Variants in PHF20L1 observed in about 807,000 individuals in gnomAD.
PHF20L1 encodes PHD finger protein 20 like 1.
A neutral mutation model predicts 125.5 loss-of-function variants in PHF20L1; 44 were observed. That is an observed-to-expected ratio of 0.35 (90% CI 0.28 to 0.45). The LOEUF (loss-of-function observed/expected upper bound fraction) is 0.45, where lower values mean the gene tolerates loss of function less well. Ranked by LOEUF, PHF20L1 falls within the 20% of genes least tolerant of loss-of-function variation. The pLI, the probability that PHF20L1 is intolerant of heterozygous loss-of-function variation, is 1.00. For missense variants in PHF20L1, 1,012 were observed against 1,217.2 expected, an observed-to-expected ratio of 0.83 and a Z score of 2.51; for synonymous variants, 380 against 403.1, an observed-to-expected ratio of 0.94 and a Z score of 0.69.
chr8:132,811,143 C>T lies in PHF20L1; in HGVS notation c.930+15C>T. ...TGCTGGAGCAGGTATGAAATGGTAG[C>T]ATTTGATTTTTTTCAAGGTTCCCAC... On this transcript the variant is annotated intron_variant, in intron 9 of 20. Transcript: ENST00000395386. 6.2e-7 allele frequency: 1 copy of T among 1,609,724 alleles called. No homozygotes were observed. Among genetic ancestry groups the T allele is most frequent in the Non-Finnish European group, 8.5e-7 (1 of 1,176,636 alleles).
intron 6 of PHF20L1, chr8:132,799,737 T>C (rs1268326036): frequency 6.6e-6 from 1 of 151,892 alleles, no homozygotes; most frequent in Admixed American, 6.6e-5. Context: ...CATTTAGTGC[T>C]CTAGAAATGT....
At chr8:132,777,344 C>G (rs1284954372) in intron 1 of PHF20L1, among the ~76,000 whole-genome samples, 1 of 152,046 alleles carries the variant, frequency 6.6e-6, no homozygotes, top group Admixed American at 6.5e-5. Context: ...TTATGAGGCA[C>G]TCAACAAATA....
chr8:132,806,214 C>T (rs528609093), intron 8 of PHF20L1, among the ~76,000 whole-genome samples: 2 of 152,042 alleles, frequency 1.3e-5, no homozygotes, highest in African/African-American at 4.8e-5. Context: ...TATACTCTTA[C>T]ATATGCCTTA....
chr8:132,812,272 C>A, intron 9 of PHF20L1: 1 of 984,246 alleles, frequency 1.0e-6, no homozygotes, highest in African/African-American at 1.7e-5. Flanking sequence ...TCTCAGAATG[C>A]GATAAATCAG....
At chr8:132,811,321 A>G (rs539519664) in intron 9 of PHF20L1, 193 bp downstream of exon 9, 3 of 1,300,094 alleles carry the variant, frequency 2.3e-6, no homozygotes, top group South Asian at 2.0e-5. Flanking sequence ...GTTTGATTTC[A>G]TAGACTGGCA....
intron 2 of PHF20L1, among the ~76,000 whole-genome samples, chr8:132,788,468 G>A (rs1168659346): frequency 6.6e-6 from 1 of 151,990 alleles, no homozygotes; most frequent in Non-Finnish European, 1.5e-5. Context: ...GGTCTTTAGG[G>A]CATTTGGCAG....
chr8:132,794,285 TG>T, intron 2 of PHF20L1, 124 bp from the exon 3 acceptor site: 1 of 586,396 alleles, frequency 1.7e-6, no homozygotes, highest in Non-Finnish European at 3.0e-6. Flanking sequence ...TTTTAAAATA[TG>T]GACGTATTTA....
chr8:132,793,711 G>C (rs1832050012), intron 2 of PHF20L1, among the ~76,000 whole-genome samples: 1 of 152,114 alleles, frequency 6.6e-6, no homozygotes, highest in Non-Finnish European at 1.5e-5. Flanking sequence ...TGTGAAGACA[G>C]AACAATGAAA....
intron 2 of PHF20L1, among the ~76,000 whole-genome samples, chr8:132,785,505 AATT>A (rs1458818049): frequency 6.6e-6 from 1 of 152,172 alleles, no homozygotes; most frequent in Non-Finnish European, 1.5e-5. Context: ...TTTTAAAAGA[AATT>A]AACGGAATAT....
chr8:132,791,694 C>T (rs1486718652), intron 2 of PHF20L1, among the ~76,000 whole-genome samples: 4 of 152,070 alleles, frequency 2.6e-5, no homozygotes, highest in Non-Finnish European at 4.4e-5. Flanking sequence ...CTTTAAGATT[C>T]AAAATTTGAT....
At chr8:132,841,044 C>CT (rs1186608270) in intron 18 of PHF20L1, among the ~76,000 whole-genome samples, 1 of 151,704 alleles carries the variant, frequency 6.6e-6, no homozygotes, top group Non-Finnish European at 1.5e-5. Flanking sequence ...TTTATTAGGT[C>CT]TTTTTTTAAA....
At chr8:132,823,746 C>G (rs191998590) in intron 12 of PHF20L1, among the ~76,000 whole-genome samples, 1 of 151,892 alleles carries the variant, frequency 6.6e-6, no homozygotes, top group African/African-American at 2.4e-5. Flanking sequence ...CTCAAGGCCA[C>G]AGAGCTAGTA....
chr8:132,807,241 C>G (rs1369617010), intron 8 of PHF20L1: 1 of 156,268 alleles, frequency 6.4e-6, no homozygotes, highest in Non-Finnish European at 1.4e-5. Context: ...TCGTATTTTT[C>G]ATTATGTCAT....
chr8:132,811,606 C>G (rs1003941622), intron 9 of PHF20L1: 7 of 981,550 alleles, frequency 7.1e-6, no homozygotes, highest in Non-Finnish European at 8.5e-6. Context: ...TTAATAACTA[C>G]AAAAAAAGAG....
intron 8 of PHF20L1, 168 bp from the exon 9 acceptor site, chr8:132,810,878 T>G: frequency 3.6e-6 from 2 of 559,612 alleles, no homozygotes; most frequent in Non-Finnish European, 6.5e-6. Context: ...ATTCAGTCCC[T>G]TGGCTTATTA....
intron 8 of PHF20L1, chr8:132,809,354 A>T (rs1197684773): frequency 5.9e-5 from 9 of 151,928 alleles, no homozygotes; most frequent in African/African-American, 1.2e-4. Flanking sequence ...TTTAGTAGAG[A>T]TGGTGTTTCA....
chr8:132,794,223 G>C (rs1225784412), intron 2 of PHF20L1, among the ~76,000 whole-genome samples, 187 bp from the exon 3 acceptor site: 1 of 152,110 alleles, frequency 6.6e-6, no homozygotes, highest in Non-Finnish European at 1.5e-5. Flanking sequence ...AGTTTATTCA[G>C]ATCTTGAGGA....
rs1838108384 is a variant in PHF20L1, at chr8:132,843,261, C to CT, written c.2748+387dup. ...TGTGAGTTAGATAAAAGGTGGCACTCTAATTGTCTGTTTAAAAAATTTTAG... is the reference window on the plus strand; with the variant it reads ...TGTGAGTTAGATAAAAGGTGGCACTCTTAATTGTCTGTTTAAAAAATTTTAG... On this transcript the variant is annotated intron_variant, in intron 19 of 20. Coordinates refer to ENST00000395386, the MANE Select transcript of PHF20L1 (RefSeq NM_016018.5). 7.1e-6 allele frequency: 7 copies of CT among 984,522 alleles called. No homozygotes were observed. In the South Asian group the frequency reaches 2.3e-4, roughly 33 times the overall value. 61.0% of individuals were successfully genotyped at this position (984,522 alleles called of 1,614,324 possible).
At chr8:132,784,113 A>T (rs1830736948) in intron 2 of PHF20L1, among the ~76,000 whole-genome samples, 1 of 152,048 alleles carries the variant, frequency 6.6e-6, no homozygotes, top group East Asian at 1.9e-4. Context: ...GCTTCCCTCT[A>T]CCCCTCCAAA....
Sources: gnomAD v4.1 joint callset for allele counts (sites outside exome capture counted in the v4.1 genomes callset) on GRCh38, gnomAD v4.1.1 for gene constraint, MANE v1.5 for transcripts, NCBI Gene and HGNC (gene_info 2026-07-23, HGNC 2026-07-21) for gene names.